The following CACNA1S variants were observed in gnomAD, a reference collection of about 807,000 sequenced individuals.
The protein encoded by CACNA1S is voltage-dependent L-type calcium channel subunit alpha-1S.
A neutral mutation model predicts 207.4 loss-of-function variants in CACNA1S; 126 were observed. The observed-to-expected ratio is 0.61, with a 90% CI of 0.53 to 0.70. The LOEUF (loss-of-function observed/expected upper bound fraction) is 0.70, where lower values mean the gene tolerates loss of function less well. Among genes scored for constraint, CACNA1S ranks in the 30% least tolerant of loss-of-function variants. CACNA1S has a pLI of 0.00. For synonymous variants in CACNA1S, 960 were observed against 932.7 expected (o/e 1.03, Z -0.53); for missense variants, 2,349 against 2,422.8 (o/e 0.97, Z 0.64).
intron 22 of CACNA1S, among the ~76,000 whole-genome samples, chr1:201,063,803 T>G (rs1481687337): frequency 6.6e-6 from 1 of 152,052 alleles, no homozygotes; most frequent in African/African-American, 2.4e-5. Flanking sequence ...AAGGTGAAGG[T>G]GAGGCGGGTG....
intron 2 of CACNA1S, among the ~76,000 whole-genome samples, chr1:201,106,461 G>A (rs1444870972): frequency 6.6e-6 from 1 of 152,070 alleles, no homozygotes; most frequent in Non-Finnish European, 1.5e-5. Flanking sequence ...TCTCCCGCTT[G>A]GCCTTCTACA....
At chr1:201,074,702 G>A (rs915127908) in intron 13 of CACNA1S, 82 bp from the exon 14 acceptor site, 4 of 852,640 alleles carry the variant, frequency 4.7e-6, no homozygotes, top group Non-Finnish European at 3.8e-6. Context: ...CTGCATGTGG[G>A]CAGGACCTAA....
At position 201,075,501 on chromosome 1, in the gene CACNA1S, C is replaced by T; in HGVS notation, c.1942G>A (p.Gly648Ser). 1.2e-6 allele frequency: 2 copies of T among 1,613,812 alleles called. No homozygotes were observed. The highest frequency in any genetic ancestry group is 1.7e-6 in the Non-Finnish European group (2 of 1,179,944). ...CCTGCTCCCGAGAGGATACAGTTGC[C>T]ACAGACGAAAAGGATGATGAAGTAA... ...CIYFIILFVC[G>S]NYILLNVFLA... The change falls in exon 13 of 44, where the codon GGC becomes AGC. Residue 648 changes from glycine (G) to serine (S), a missense_variant. Physicochemically the swap from Gly to Ser is moderately conservative, Grantham distance 56. Transcript: ENST00000362061.
Position 201,049,041 on chromosome 1 carries a change from C to T in CACNA1S, c.4300G>A (p.Gly1434Ser), listed in dbSNP as rs374733215. 1 of 1,613,942 alleles carries T rather than the reference C, an allele frequency of 6.2e-7. No individual in the cohort carries two copies. Among genetic ancestry groups the T allele is most frequent in the South Asian group, 1.1e-5 (1 of 90,996 alleles). ...CGATGTGGGCAGAACTTCCCAAAGCCCAGAGGGGGCTGAATCCTTCTCAGC... is the reference window on the plus strand; with the variant it reads ...CGATGTGGGCAGAACTTCCCAAAGCTCAGAGGGGGCTGAATCCTTCTCAGC... ...TLLRRIQPPLGFGKFCPHRVA... is the reference protein window; with the variant it reads ...TLLRRIQPPLSFGKFCPHRVA... The change falls in exon 35 of 44, where the codon GGC becomes AGC. Residue 1434 changes from glycine (G) to serine (S), a missense_variant. Transcript: ENST00000362061.
At chr1:201,091,543 AT>A in intron 5 of CACNA1S, 96 bp downstream of exon 5, 1 of 1,370,372 alleles carries the variant, frequency 7.3e-7, no homozygotes, top group Non-Finnish European at 1.0e-6. Flanking sequence ...GTGGGCGGCA[AT>A]GGCTGAGCTC....
chr1:201,086,024 C>T (rs1218804740), intron 7 of CACNA1S, among the ~76,000 whole-genome samples: 1 of 152,136 alleles, frequency 6.6e-6, no homozygotes, highest in Non-Finnish European at 1.5e-5. Context: ...TCCTTGGACT[C>T]CAAGGAACCA....
At chr1:201,043,831 C>G (rs947679964) in intron 39 of CACNA1S, among the ~76,000 whole-genome samples, 1 of 152,030 alleles carries the variant, frequency 6.6e-6, no homozygotes, top group African/African-American at 2.4e-5. Context: ...GCACTGGGTT[C>G]TAGTCCCCGC....
rs1445072481 is a variant in CACNA1S, at chr1:201,075,618, G to T, written c.1828-3C>A. The T allele has an allele frequency of 1.2e-6, 2 of 1,614,060 alleles. No individual in the cohort carries two copies. The highest frequency in any genetic ancestry group is 3.3e-5 in the Admixed American group (2 of 60,030). ...GTCCAGTCTTCCCCTGTCAGTACCT[G>T]TATGGAGGGAGGATAGAGGGCTCGG... On this transcript the variant is annotated splice_polypyrimidine_tract_variant and splice_region_variant and intron_variant, in intron 12 of 43. Transcript: ENST00000362061.
In CACNA1S at chr1:201,041,703, G is replaced by A. The variant is rs370843937; in HGVS notation, c.5049-114C>T. The A allele has an allele frequency of 1.3e-5, 10 of 785,782 alleles. No homozygotes were observed. The African/African-American group carries it at 1.4e-4, about 11-fold the overall frequency. The allele number at this position is 785,782 out of a possible 1,614,324, so 48.7% of individuals were successfully genotyped here. On this transcript the variant is annotated intron_variant, in intron 40 of 43. Transcript: ENST00000362061. Reference sequence around the variant, plus strand: ...TCAGAGCCTGTACAAGGCCAACCTAGTGTAGCAGCCGTGACTCTAGGGCTG... The same window carrying A: ...TCAGAGCCTGTACAAGGCCAACCTAATGTAGCAGCCGTGACTCTAGGGCTG...
Position 201,087,873 on chromosome 1 carries a change from C to A in CACNA1S, c.957G>T (p.Leu319Phe). The A allele has an allele frequency of 1.2e-6, 2 of 1,614,046 alleles. No individual in the cohort carries two copies. Among genetic ancestry groups the A allele is most frequent in the Non-Finnish European group, 1.7e-6 (2 of 1,179,958 alleles). The change falls in exon 7 of 44, where the codon TTG becomes TTT. Residue 319 changes from leucine (L) to phenylalanine (F), a missense_variant. Physicochemically the swap from Leu to Phe is conservative, Grantham distance 22. Transcript: ENST00000362061. ...WPWIYFVTLI[L>F]LGSFFILNLV... The stretch of plus-strand genomic sequence containing the variant: ...GGTTGAGGATGAAGAAGGATCCCAG[C>A]AAAATGAGGGTGACAAAATAGATCC...
intron 26 of CACNA1S, among the ~76,000 whole-genome samples, 153 bp from the exon 27 acceptor site, chr1:201,059,452 G>A (rs1362916026): frequency 6.6e-6 from 1 of 152,184 alleles, no homozygotes; most frequent in Non-Finnish European, 1.5e-5. Context: ...ACTAGAAGCT[G>A]CTTTAGCAAT....
intron 15 of CACNA1S, among the ~76,000 whole-genome samples, chr1:201,073,293 T>C (rs1279973879): frequency 1.3e-5 from 2 of 152,132 alleles, no homozygotes; most frequent in African/African-American, 4.8e-5. Flanking sequence ...AATACCTCCT[T>C]GGTCTGGAGT....
At chr1:201,054,584 G>T (rs771610389) in intron 28 of CACNA1S, 23 bp from the exon 29 acceptor site, 1 of 1,602,500 alleles carries the variant, frequency 6.2e-7, no homozygotes, top group Admixed American at 1.7e-5. Flanking sequence ...GAGACGAAGG[G>T]AGGGGAAGGA....
At chr1:201,068,231 CTTTTTTTT>C (rs60151209) in intron 19 of CACNA1S, among the ~76,000 whole-genome samples, 5 of 47,006 alleles carry the variant, frequency 1.1e-4, no homozygotes, top group South Asian at 1.3e-3. Flanking sequence ...CGGCTCTGCT[CTTTTTTTT>C]TTTTTTTTTT....
At chr1:201,054,597 GGA>G (rs1441002810) in intron 28 of CACNA1S, 36 bp from the exon 29 acceptor site, 2 of 1,559,608 alleles carry the variant, frequency 1.3e-6, no homozygotes, top group Admixed American at 1.8e-5. Context: ...GGGAAGGAGA[GGA>G]GAGAGAGGAG....
At chr1:201,081,630 G>T (rs555027103) in intron 10 of CACNA1S, among the ~76,000 whole-genome samples, 1 of 152,154 alleles carries the variant, frequency 6.6e-6, no homozygotes, top group Non-Finnish European at 1.5e-5. Flanking sequence ...CACATATAAG[G>T]CCTGATATCG....
chr1:201,100,710 G>T (rs1255857527), intron 2 of CACNA1S, among the ~76,000 whole-genome samples: 1 of 152,200 alleles, frequency 6.6e-6, no homozygotes, highest in Non-Finnish European at 1.5e-5. Flanking sequence ...TCAGGGTGAA[G>T]GGGGCTGGGA....
In CACNA1S at chr1:201,060,771, A is replaced by C; in HGVS notation, c.3301T>G (p.Tyr1101Asp). 6.2e-7 allele frequency: 1 copy of C among 1,614,206 alleles called. No individual in the cohort carries two copies. Among genetic ancestry groups the C allele is most frequent in the East Asian group, 2.2e-5 (1 of 44,882 alleles). ...YALKARPLRC[Y>D]IPKNPYQYQV... ...TACTGGTATGGGTTTTTGGGAATGT[A>C]GCACCTCAGTGGGCGGGCCTTCAGG... The change falls in exon 26 of 44, where the codon TAC becomes GAC. Residue 1101 changes from tyrosine (Y) to aspartate (D), a missense_variant. Transcript: ENST00000362061.
chr1:201,064,316 G>A (rs901881503), intron 22 of CACNA1S, among the ~76,000 whole-genome samples: 1 of 152,170 alleles, frequency 6.6e-6, no homozygotes, highest in South Asian at 2.1e-4. Context: ...AAGGCTGCAC[G>A]CAGCTGGCAG....
Sources: gnomAD v4.1 joint callset for allele counts (sites outside exome capture counted in the v4.1 genomes callset) on GRCh38, gnomAD v4.1.1 for gene constraint, MANE v1.5 for transcripts, NCBI Gene and HGNC (gene_info 2026-07-23, HGNC 2026-07-21) for gene names.